Variants in FGF14 observed in about 807,000 individuals in gnomAD.
FGF14 encodes fibroblast growth factor 14.
FGF14 carries 5 observed loss-of-function variants against 25.5 expected under a neutral mutation model. That is an observed-to-expected ratio of 0.20 (90% CI 0.10 to 0.41). FGF14 has a LOEUF of 0.41. FGF14 is among the 10% of genes least tolerant of loss of function. The probability of loss-of-function intolerance (pLI) is 1.00; values close to 1 mark genes in which losing one functional copy is unlikely to be tolerated. For synonymous variants in FGF14, 138 were observed against 118.3 expected (o/e 1.17, Z -1.08); for missense variants, 222 against 320.1 (o/e 0.69, Z 2.34).
intron 1 of FGF14, chr13:102,401,430 T>C: frequency 2.5e-6 from 4 of 1,580,748 alleles, no homozygotes; most frequent in Non-Finnish European, 3.5e-6. Flanking sequence ...ACAGACAGGT[T>C]ATTATGAGGA....
intron 1 of FGF14, among the ~76,000 whole-genome samples, chr13:102,029,042 G>A (rs1230457868): frequency 6.6e-6 from 1 of 151,978 alleles, no homozygotes; most frequent in Admixed American, 6.6e-5. Context: ...ATAAAACATG[G>A]CTGATTTATA....
intron 1 of FGF14, among the ~76,000 whole-genome samples, chr13:102,053,842 A>G (rs1385470566): frequency 6.6e-6 from 1 of 152,090 alleles, no homozygotes; most frequent in Non-Finnish European, 1.5e-5. Context: ...GTTCTACTTC[A>G]TTTATGTTCT....
intron 1 of FGF14, among the ~76,000 whole-genome samples, chr13:102,205,850 G>A (rs1299917790): frequency 6.6e-6 from 1 of 151,294 alleles, no homozygotes; most frequent in Non-Finnish European, 1.5e-5. Flanking sequence ...AAGTGGGTCA[G>A]GCAAGCAGCA....
intron 1 of FGF14, among the ~76,000 whole-genome samples, chr13:101,907,872 A>G (rs972355491): frequency 6.6e-6 from 1 of 152,158 alleles, no homozygotes; most frequent in Non-Finnish European, 1.5e-5. Context: ...GTCTAATGCT[A>G]AATTTGATGA....
At chr13:101,976,451 T>C (rs1394156166) in intron 1 of FGF14, among the ~76,000 whole-genome samples, 1 of 152,226 alleles carries the variant, frequency 6.6e-6, no homozygotes, top group Non-Finnish European at 1.5e-5. Flanking sequence ...TATTGGGTGC[T>C]GTAAAACTTA....
chr13:102,358,000 T>C (rs1367059952), intron 1 of FGF14, among the ~76,000 whole-genome samples: 2 of 152,214 alleles, frequency 1.3e-5, no homozygotes, highest in Admixed American at 1.3e-4. Context: ...AGCAATCAGA[T>C]TATTTCTATT....
At chr13:101,924,393 CA>C (rs2034221581) in intron 1 of FGF14, among the ~76,000 whole-genome samples, 1 of 151,916 alleles carries the variant, frequency 6.6e-6, no homozygotes. Flanking sequence ...GCATTTGTGC[CA>C]AAACACACAA....
intron 1 of FGF14, among the ~76,000 whole-genome samples, chr13:102,346,070 C>T (rs1594907787): frequency 6.6e-6 from 1 of 152,138 alleles, no homozygotes; most frequent in Admixed American, 6.5e-5. Context: ...TAGTAACACA[C>T]AGATTCAAAA....
intron 3 of FGF14, chr13:101,868,377 CT>C (rs1566346520): frequency 4.8e-6 from 1 of 210,096 alleles, no homozygotes; most frequent in Non-Finnish European, 9.7e-6. Context: ...TTACTTTTCT[CT>C]TTTTTTAGAA....
intron 1 of FGF14, among the ~76,000 whole-genome samples, chr13:102,157,755 T>G (rs978195481): frequency 6.6e-6 from 1 of 152,104 alleles, no homozygotes; most frequent in Non-Finnish European, 1.5e-5. Flanking sequence ...AGGGAGAAAG[T>G]TTTTGCAATC....
intron 3 of FGF14, among the ~76,000 whole-genome samples, chr13:101,804,208 G>T (rs948757512): frequency 2.0e-5 from 3 of 152,104 alleles, no homozygotes; most frequent in African/African-American, 7.2e-5. Flanking sequence ...TAGTGAGAAC[G>T]GTTTCAATAC....
At chr13:102,310,224 T>G (rs1385489802) in intron 1 of FGF14, among the ~76,000 whole-genome samples, 1 of 152,196 alleles carries the variant, frequency 6.6e-6, no homozygotes, top group African/African-American at 2.4e-5. Context: ...AACAAGAGGA[T>G]AGTTTTACTC....
At chr13:102,025,889 G>A (rs561567718) in intron 1 of FGF14, among the ~76,000 whole-genome samples, 37 of 152,000 alleles carry the variant, frequency 2.4e-4, no homozygotes, top group African/African-American at 8.9e-4. Context: ...AGTTCTAATA[G>A]TTGTGTTTGT....
At chr13:101,954,434 T>C (rs934173783) in intron 1 of FGF14, among the ~76,000 whole-genome samples, 2 of 152,240 alleles carry the variant, frequency 1.3e-5, no homozygotes, top group Non-Finnish European at 2.9e-5. Flanking sequence ...GGCCCTCTTC[T>C]AAATTTTTGA....
intron 3 of FGF14, among the ~76,000 whole-genome samples, chr13:101,837,798 T>A (rs948901360): frequency 1.3e-5 from 2 of 152,068 alleles, no homozygotes; most frequent in Admixed American, 1.3e-4. Flanking sequence ...GATTGAAGGA[T>A]GCAAAGTAGT....
At chr13:102,097,444 C>A (rs1460203695) in intron 1 of FGF14, among the ~76,000 whole-genome samples, 1 of 152,112 alleles carries the variant, frequency 6.6e-6, no homozygotes, top group Non-Finnish European at 1.5e-5. Flanking sequence ...AAGTATTTTG[C>A]CTACTTGATC....
intron 1 of FGF14, among the ~76,000 whole-genome samples, chr13:102,073,521 G>A (rs985509232): frequency 2.0e-5 from 3 of 152,192 alleles, no homozygotes; most frequent in Admixed American, 6.5e-5. Flanking sequence ...CCTGTGCCAA[G>A]AAAGTTAAAT....
chr13:102,235,758 A>C (rs1468027619), intron 1 of FGF14, among the ~76,000 whole-genome samples: 4 of 152,322 alleles, frequency 2.6e-5, no homozygotes, highest in South Asian at 2.1e-4. Flanking sequence ...AGAGGCACTG[A>C]AACCAGAGTG....
At chr13:102,130,472 G>C (rs2046148433) in intron 1 of FGF14, among the ~76,000 whole-genome samples, 1 of 152,112 alleles carries the variant, frequency 6.6e-6, no homozygotes, top group Non-Finnish European at 1.5e-5. Context: ...AAAGACCTTT[G>C]TGATTACATT....
Sources: gnomAD v4.1 joint callset for allele counts (sites outside exome capture counted in the v4.1 genomes callset) on GRCh38, gnomAD v4.1.1 for gene constraint, MANE v1.5 for transcripts, NCBI Gene and HGNC (gene_info 2026-07-23, HGNC 2026-07-21) for gene names.